PTPRD: variants seen among roughly 807,000 people sequenced by gnomAD.
The protein encoded by PTPRD is receptor-type tyrosine-protein phosphatase delta.
In PTPRD, 34 loss-of-function variants were observed where a neutral mutation model predicts 214.5. The observed-to-expected ratio is 0.16, with a 90% CI of 0.12 to 0.21. The LOEUF (loss-of-function observed/expected upper bound fraction) is 0.21. PTPRD is among the 10% of genes least tolerant of loss of function. The probability of loss-of-function intolerance (pLI) is 1.00; values close to 1 mark genes in which losing one functional copy is unlikely to be tolerated. For synonymous variants in PTPRD, 1,128 were observed against 845.7 expected (o/e 1.33, Z -5.79); for missense variants, 2,545 against 2,398.7 (o/e 1.06, Z -1.27).
At chr9:9,165,522 A>C (rs2099901443) in intron 10 of PTPRD, among the ~76,000 whole-genome samples, 1 of 152,236 alleles carries the variant, frequency 6.6e-6, no homozygotes, top group Non-Finnish European at 1.5e-5. Flanking sequence ...GGATAGATAG[A>C]AACTATATTA....
intron 3 of PTPRD, among the ~76,000 whole-genome samples, chr9:10,052,032 C>T (rs946171597): frequency 2.0e-5 from 3 of 152,100 alleles, no homozygotes; most frequent in African/African-American, 2.4e-5. Context: ...GCAGTGTCAA[C>T]CTCCTGGGCT....
intron 3 of PTPRD, among the ~76,000 whole-genome samples, chr9:10,098,237 G>T (rs1299601476): frequency 6.7e-6 from 1 of 150,338 alleles, no homozygotes; most frequent in Non-Finnish European, 1.5e-5. Context: ...GCAAACTATC[G>T]CAAGGACAAA....
At chr9:10,051,325 T>C (rs1046205053) in intron 3 of PTPRD, among the ~76,000 whole-genome samples, 2 of 152,164 alleles carry the variant, frequency 1.3e-5, no homozygotes, top group South Asian at 2.1e-4. Context: ...CAGTACTCAT[T>C]CTTCTCCTAC....
At chr9:9,377,358 G>A (rs1400134391) in intron 9 of PTPRD, among the ~76,000 whole-genome samples, 2 of 152,050 alleles carry the variant, frequency 1.3e-5, no homozygotes, top group Non-Finnish European at 2.9e-5. Context: ...ATGTTTTCCT[G>A]TGATTATCAA....
At chr9:9,050,752 T>C (rs1297013431) in intron 10 of PTPRD, among the ~76,000 whole-genome samples, 1 of 152,160 alleles carries the variant, frequency 6.6e-6, no homozygotes, top group Non-Finnish European at 1.5e-5. Flanking sequence ...AACGCTTGTG[T>C]TCAAGCACTC....
intron 3 of PTPRD, among the ~76,000 whole-genome samples, chr9:10,255,114 G>T (rs764690701): frequency 6.6e-6 from 1 of 152,194 alleles, no homozygotes; most frequent in Non-Finnish European, 1.5e-5. Flanking sequence ...ATAGTACAGA[G>T]TGTTTTACAT....
intron 5 of PTPRD, among the ~76,000 whole-genome samples, chr9:9,928,017 T>G (rs1039797882): frequency 1.3e-5 from 2 of 152,166 alleles, no homozygotes; most frequent in Non-Finnish European, 1.5e-5. Flanking sequence ...TATTCTTAAA[T>G]GACTAATGAA....
At chr9:9,199,968 G>T (rs2099940914) in intron 9 of PTPRD, among the ~76,000 whole-genome samples, 2 of 152,092 alleles carry the variant, frequency 1.3e-5, no homozygotes. Context: ...TTGTAAATTG[G>T]CAATGCCTAT....
intron 3 of PTPRD, among the ~76,000 whole-genome samples, chr9:10,113,899 C>T (rs565596469): frequency 7.2e-5 from 11 of 152,250 alleles, no homozygotes; most frequent in African/African-American, 2.4e-4. Context: ...GTCTAGGATA[C>T]GGGATTCATT....
intron 8 of PTPRD, among the ~76,000 whole-genome samples, chr9:9,519,671 TA>T: frequency 6.6e-6 from 1 of 151,826 alleles, no homozygotes; most frequent in East Asian, 1.9e-4. Flanking sequence ...ACTACAAATA[TA>T]ACTATAAAAC....
At chr9:9,664,414 A>G (rs2096676281) in intron 7 of PTPRD, among the ~76,000 whole-genome samples, 1 of 151,656 alleles carries the variant, frequency 6.6e-6, no homozygotes, top group African/African-American at 2.4e-5. Flanking sequence ...AACTACATTT[A>G]TGAACTATGC....
At chr9:9,596,357 T>A (rs1024974394) in intron 7 of PTPRD, among the ~76,000 whole-genome samples, 3 of 152,016 alleles carry the variant, frequency 2.0e-5, no homozygotes, top group African/African-American at 7.2e-5. Flanking sequence ...TACCTTTACA[T>A]ATTCGGTAAA....
chr9:9,481,709 A>G (rs1023454328), intron 8 of PTPRD, among the ~76,000 whole-genome samples: 2 of 152,112 alleles, frequency 1.3e-5, no homozygotes, highest in Non-Finnish European at 2.9e-5. Context: ...CGCAAATGTC[A>G]TATTGCAGTG....
intron 8 of PTPRD, among the ~76,000 whole-genome samples, chr9:9,432,691 A>G (rs2083668031): frequency 6.6e-6 from 1 of 152,230 alleles, no homozygotes; most frequent in African/African-American, 2.4e-5. Context: ...TTAGGATTTC[A>G]CAATGCTAAG....
At chr9:10,081,080 C>G (rs1567554554) in intron 3 of PTPRD, among the ~76,000 whole-genome samples, 1 of 151,832 alleles carries the variant, frequency 6.6e-6, no homozygotes, top group Non-Finnish European at 1.5e-5. Flanking sequence ...TCTCTTTCTC[C>G]TTTTTTTAAA....
chr9:8,889,446 G>GC (rs1337622053), intron 11 of PTPRD, among the ~76,000 whole-genome samples: 4 of 151,992 alleles, frequency 2.6e-5, no homozygotes, highest in African/African-American at 9.7e-5. Flanking sequence ...CTAATTCAGG[G>GC]CCCATATATA....
intron 7 of PTPRD, among the ~76,000 whole-genome samples, chr9:9,582,712 T>C (rs1359991163): frequency 6.6e-6 from 1 of 152,124 alleles, no homozygotes; most frequent in East Asian, 1.9e-4. Context: ...AAATGCATTT[T>C]ATATTTTACA....
chr9:8,407,755 G>A (rs1164008001), intron 35 of PTPRD, among the ~76,000 whole-genome samples: 15 of 152,144 alleles, frequency 9.9e-5, no homozygotes, highest in African/African-American at 2.4e-4. Context: ...CGTTTTACAC[G>A]GATCAAACAA....
chr9:9,940,661 C>T (rs368609424), intron 4 of PTPRD, among the ~76,000 whole-genome samples: 238 of 152,238 alleles, frequency 1.6e-3, no homozygotes, highest in African/African-American at 5.7e-3. Context: ...CAACAGCTCT[C>T]CTGTTGAAAT....
Sources: gnomAD v4.1 joint callset for allele counts (sites outside exome capture counted in the v4.1 genomes callset) on GRCh38, gnomAD v4.1.1 for gene constraint, MANE v1.5 for transcripts, NCBI Gene and HGNC (gene_info 2026-07-23, HGNC 2026-07-21) for gene names.